CALD1: variants seen among roughly 807,000 people sequenced by gnomAD.
CALD1 encodes caldesmon.
Under a neutral mutation model 99.9 loss-of-function variants are expected in CALD1, and 33 were observed. That is an observed-to-expected ratio of 0.33 (90% confidence interval 0.25 to 0.44). The LOEUF (loss-of-function observed/expected upper bound fraction) is 0.44, where lower values mean the gene tolerates loss of function less well. Among genes scored for constraint, CALD1 ranks in the 20% least tolerant of loss-of-function variants. The pLI is 1.00. For missense variants in CALD1, 861 were observed against 962.1 expected, an observed-to-expected ratio of 0.89 and a Z score of 1.39; for synonymous variants, 310 against 325.0, an observed-to-expected ratio of 0.95 and a Z score of 0.50.
the CALD1 span, among the ~76,000 whole-genome samples, chr7:134,738,693 T>C: frequency 1.3e-5 from 2 of 152,210 alleles, no homozygotes; most frequent in Non-Finnish European, 2.9e-5. Context: ...CATCGCGGCA[T>C]GTCAAGATAA....
chr7:134,813,161 G>A (rs745495616), intron 1 of CALD1, among the ~76,000 whole-genome samples: 7 of 152,196 alleles, frequency 4.6e-5, no homozygotes, highest in Non-Finnish European at 7.3e-5. Flanking sequence ...AAGCATCAAG[G>A]ATGGTAGAGA....
At chr7:134,746,448 C>T (rs995220450) in intron 1 of CALD1, among the ~76,000 whole-genome samples, 49 of 152,154 alleles carry the variant, frequency 3.2e-4, no homozygotes, top group African/African-American at 1.2e-3. Context: ...GCAGTCCAAA[C>T]GGTTTAAGAC....
At chr7:134,897,226 C>T (rs964587495) in intron 3 of CALD1, among the ~76,000 whole-genome samples, 1 of 152,074 alleles carries the variant, frequency 6.6e-6, no homozygotes, top group African/African-American at 2.4e-5. Context: ...AAGGACAAAG[C>T]TCAGGCTCTG....
intron 1 of CALD1, among the ~76,000 whole-genome samples, chr7:134,756,992 T>C (rs1407209066): frequency 3.3e-5 from 5 of 152,242 alleles, no homozygotes; most frequent in Admixed American, 6.5e-5. Context: ...ACTGATTTGC[T>C]TCATTCAGAG....
At chr7:134,943,456 C>G (rs1014757330) in intron 7 of CALD1, among the ~76,000 whole-genome samples, 18 of 152,132 alleles carry the variant, frequency 1.2e-4, no homozygotes, top group African/African-American at 4.3e-4. Flanking sequence ...AATTACTGTT[C>G]CCTTTGATAT....
intron 2 of CALD1, among the ~76,000 whole-genome samples, chr7:134,854,652 A>G (rs987984122): frequency 6.6e-6 from 1 of 152,170 alleles, no homozygotes; most frequent in East Asian, 1.9e-4. Context: ...CATCTGTCAT[A>G]TAGCTGGCCC....
At chr7:134,821,909 A>G (rs1316356140) in intron 1 of CALD1, 1 of 152,108 alleles carries the variant, frequency 6.6e-6, no homozygotes, top group Non-Finnish European at 1.5e-5. Context: ...AATAAAAGAG[A>G]TAGATGTTTA....
At chr7:134,793,981 TC>T (rs894661445) in intron 1 of CALD1, among the ~76,000 whole-genome samples, 12 of 152,310 alleles carry the variant, frequency 7.9e-5, no homozygotes, top group African/African-American at 2.9e-4. Context: ...ATTCTTCTTC[TC>T]CCTTGATTTC....
chr7:134,776,725 A>G (rs753056279), upstream of CALD1, among the ~76,000 whole-genome samples: 4 of 152,166 alleles, frequency 2.6e-5, no homozygotes, highest in Admixed American at 6.5e-5. Context: ...CTTCTTTTCT[A>G]TTGAATAAAG....
intron 3 of CALD1, among the ~76,000 whole-genome samples, chr7:134,890,799 C>T (rs1802124461): frequency 6.6e-6 from 1 of 152,200 alleles, no homozygotes; most frequent in Non-Finnish European, 1.5e-5. Flanking sequence ...AACATGTTCT[C>T]AGGAGGGCTC....
chr7:134,834,774 T>A (rs1799366536), intron 1 of CALD1, among the ~76,000 whole-genome samples: 1 of 152,234 alleles, frequency 6.6e-6, no homozygotes, highest in Non-Finnish European at 1.5e-5. Flanking sequence ...ATAATTGCCC[T>A]GTGACCAACC....
At chr7:134,774,861 T>C (rs542606188), upstream of CALD1, among the ~76,000 whole-genome samples, 54 of 152,308 alleles carry the variant, frequency 3.5e-4, no homozygotes, top group Non-Finnish European at 5.3e-4. Context: ...CTTTGTCTTG[T>C]AGGATTTATT....
rs747215967 is a variant in CALD1, at chr7:134,947,487, TC to T, written c.1533-19del. ...ACAGGCAAAAGCATGTAAACCCCTT[TC>T]CATTGCCCCCCAACCACAGCCGCCC... On this transcript the variant is annotated intron_variant, in intron 7 of 14. Coordinates refer to ENST00000361675, the MANE Select transcript of CALD1 (RefSeq NM_033138.4). 7.0e-6 allele frequency: 11 copies of T among 1,562,174 alleles called. No homozygotes were observed. In the African/African-American group the frequency reaches 1.5e-4, roughly 21 times the overall value.
chr7:134,967,455 G>T (rs997992238), intron 14 of CALD1, among the ~76,000 whole-genome samples: 1 of 152,026 alleles, frequency 6.6e-6, no homozygotes, highest in Admixed American at 6.6e-5. Flanking sequence ...TTAATAGCTT[G>T]GCAAAAATTT....
chr7:134,920,445 G>A (rs1804529046), intron 3 of CALD1: 2 of 946,234 alleles, frequency 2.1e-6, no homozygotes, highest in Middle Eastern at 2.9e-4. Flanking sequence ...ATAATGATGG[G>A]AATCAAATAA....
rs146045576 is a variant in CALD1, at chr7:134,752,889, A to G, written c.-130+8526A>G. 2.8e-4 allele frequency among the ~76,000 whole-genome samples: 43 copies of G among 151,962 alleles called. No homozygotes were observed. In the East Asian group the frequency reaches 6.8e-3, roughly 24 times the overall value. ...TGGTGGCATGGTGGCGGGCACCTATAATCCCAGCTACTCAGGAGGCTGAAG... is the reference window on the plus strand; with the variant it reads ...TGGTGGCATGGTGGCGGGCACCTATGATCCCAGCTACTCAGGAGGCTGAAG... On this transcript the variant is annotated intron_variant, in intron 1 of 13. Coordinates refer to the CALD1 transcript ENST00000417172.
rs907464275 is a variant in CALD1 at position 134,764,237 on chromosome 7, G to A, written c.-130+19874G>A. Among the ~76,000 whole-genome samples the A allele has an allele frequency of 1.2e-4, 18 of 152,174 alleles. No homozygotes were observed. In the East Asian group the frequency reaches 1.7e-3, roughly 15 times the overall value. On this transcript the variant is annotated intron_variant, in intron 1 of 13. Transcript: ENST00000417172. ...GCCTGGACCCAAATCCACACTCACC[G>A]TTCCCCAGGCACCAACTTGCATTCT...
intron 3 of CALD1, among the ~76,000 whole-genome samples, chr7:134,894,837 T>A (rs1374959883): frequency 6.6e-6 from 1 of 152,202 alleles, no homozygotes; most frequent in Non-Finnish European, 1.5e-5. Flanking sequence ...TCCCAAAGCC[T>A]AAGGAAGTTT....
At position 134,850,638 on chromosome 7, in the gene CALD1, CACTCTTGCA is replaced by C. The variant is rs1417579504; in HGVS notation, c.-42+6672_-42+6680del. Among the ~76,000 whole-genome samples the C allele has an allele frequency of 7.2e-5, 11 of 152,236 alleles. No homozygotes were observed. The East Asian group carries it at 1.9e-3, about 27-fold the overall frequency. On this transcript the variant is annotated intron_variant, in intron 2 of 14. Coordinates refer to ENST00000361675, the MANE Select transcript of CALD1 (RefSeq NM_033138.4). ...AGCTATATGGGATTGCTTGTGGGTT[CACTCTTGCA>C]ACTCCTCACAGTGCCTAACATGGCA...
Sources: gnomAD v4.1 joint callset for allele counts (sites outside exome capture counted in the v4.1 genomes callset) on GRCh38, gnomAD v4.1.1 for gene constraint, MANE v1.5 for transcripts, NCBI Gene and HGNC (gene_info 2026-07-23, HGNC 2026-07-21) for gene names.